SLAMF8: variants seen among roughly 807,000 people sequenced by gnomAD.
SLAMF8 encodes the protein SLAM family member 8, also known as B lymphocyte activator macrophage expressed.
Under a neutral mutation model 29.0 loss-of-function variants are expected in SLAMF8, and 23 were observed. The ratio of observed to expected loss-of-function variants is 0.79; its 90% CI spans 0.57 to 1.13. SLAMF8 has a LOEUF of 1.13. Among genes scored for constraint, SLAMF8 ranks in the 50% most tolerant of loss-of-function variants. The probability of loss-of-function intolerance (pLI) is 0.00; values close to 1 mark genes in which losing one functional copy is unlikely to be tolerated. For synonymous variants in SLAMF8, 139 were observed against 145.6 expected (o/e 0.96, Z 0.32); for missense variants, 381 against 353.1 (o/e 1.08, Z -0.63).
Position 159,833,131 on chromosome 1 carries a change from G to C in SLAMF8, c.623G>C (p.Ser208Thr). ...TCCTGCATTGTCTCCAACCCTGTCA[G>C]CTGGGACTTGGCCACAGTCACGCCC... ...AYSCIVSNPVSWDLATVTPWD... is the reference protein window; with the variant it reads ...AYSCIVSNPVTWDLATVTPWD... Residue 208 changes from serine (S) to threonine (T), a missense_variant, in exon 3 of 5, where the codon AGC becomes ACC. Ser to Thr is a moderately conservative substitution (Grantham distance 58). Transcript: ENST00000289707. 2 of 1,614,178 alleles carry C rather than the reference G, an allele frequency of 1.2e-6. No homozygotes were observed. Among genetic ancestry groups the C allele is most frequent in the African/African-American group, 1.3e-5 (1 of 75,050 alleles).
rs1000436525 is a variant in SLAMF8 at position 159,835,455 on chromosome 1, C to G, written c.*195C>G. ...AAGCACCAGCACGTTTCACACCTCCCCCTTCCCTCTCCCATCTTCTCATAT... is the reference window on the plus strand; with the variant it reads ...AAGCACCAGCACGTTTCACACCTCCGCCTTCCCTCTCCCATCTTCTCATAT... On this transcript the variant is annotated 3_prime_UTR_variant, in exon 5 of 5. Transcript: ENST00000289707. The G allele has an allele frequency of 7.3e-7, 1 of 1,363,530 alleles. No homozygotes were observed. The highest frequency in any genetic ancestry group is 1.5e-5 in the African/African-American group (1 of 67,578). 84.5% of individuals were successfully genotyped at this position (1,363,530 alleles called of 1,614,324 possible). A position where few individuals can be genotyped will look rare whatever the true frequency, so the allele number is the denominator to read the frequency against.
intron 1 of SLAMF8, among the ~76,000 whole-genome samples, chr1:159,828,124 A>G (rs1557886562): frequency 6.6e-6 from 1 of 152,162 alleles, no homozygotes; most frequent in Admixed American, 6.5e-5. Context: ...ATGAGCCACC[A>G]CACCCAGCCC....
rs1235517960 is a variant in SLAMF8, at chr1:159,836,552, C to T, written c.*1292C>T. ...GGCCTCAATCCAGTCTTGATAACAG[C>T]GAGGAAAGAGGTATTGAAGAAACAG... is the stretch of plus-strand genomic sequence containing the variant. On this transcript the variant is annotated 3_prime_UTR_variant, in exon 5 of 5. Transcript: ENST00000289707. 6 of 985,280 alleles carry T rather than the reference C, an allele frequency of 6.1e-6. No individual in the cohort carries two copies. The highest frequency in any genetic ancestry group is 4.7e-5 in the South Asian group (1 of 21,288). 61.0% of individuals were successfully genotyped at this position (985,280 alleles called of 1,614,324 possible).
chr1:159,828,506 C>A (rs891686769), intron 1 of SLAMF8, among the ~76,000 whole-genome samples: 1 of 152,150 alleles, frequency 6.6e-6, no homozygotes, highest in African/African-American at 2.4e-5. Context: ...TTCCCTACAC[C>A]CTGTGCCAGC....
At chr1:159,827,887 T>A (rs746680824) in intron 1 of SLAMF8, among the ~76,000 whole-genome samples, 7 of 151,978 alleles carry the variant, frequency 4.6e-5, no homozygotes, top group Non-Finnish European at 7.4e-5. Flanking sequence ...CAGGCTGGAA[T>A]GCAATGGTGC....
Position 159,836,820 on chromosome 1 carries a change from A to G in SLAMF8, c.*1560A>G, listed in dbSNP as rs2101807065. ...GGTAACCTGGCTTTATCAAATTCTC[A>G]TCCCTTTCCCACACCCACTTCTCTC... On this transcript the variant is annotated 3_prime_UTR_variant, in exon 5 of 5. Transcript: ENST00000289707. 1 of 985,446 alleles carries G rather than the reference A, an allele frequency of 1.0e-6. No homozygotes were observed. The highest frequency in any genetic ancestry group is 4.7e-5 in the South Asian group (1 of 21,282). 61.0% of individuals were successfully genotyped at this position (985,446 alleles called of 1,614,324 possible). A position where few individuals can be genotyped will look rare whatever the true frequency, so the allele number is the denominator to read the frequency against.
chr1:159,835,611 T>C lies in SLAMF8; in HGVS notation c.*351T>C. ...CCCTCCCCCACCACTATTCATAAAG[T>C]ATTAACCAACTGGCACCAAGGAATT... On this transcript the variant is annotated 3_prime_UTR_variant, in exon 5 of 5. Transcript: ENST00000289707. 9.7e-7 allele frequency: 1 copy of C among 1,033,956 alleles called. No individual in the cohort carries two copies. The highest frequency in any genetic ancestry group is 1.2e-6 in the Non-Finnish European group (1 of 860,904). The allele number at this position is 1,033,956 out of a possible 1,614,324, so 64.0% of individuals were successfully genotyped here.
At chr1:159,834,746 A>G in intron 4 of SLAMF8, 1 of 162,286 alleles carries the variant, frequency 6.2e-6, no homozygotes, top group South Asian at 1.7e-4. Context: ...AGAACTATAC[A>G]CTATGTGGCC....
At position 159,830,174 on chromosome 1, in the gene SLAMF8, C is replaced by G; in HGVS notation, c.349C>G (p.Leu117Val). The change falls in exon 2 of 5, where the codon CTC (leucine) becomes GTC (valine). Residue 117 changes from leucine (L) to valine (V), a missense_variant. Physicochemically the swap from Leu to Val is conservative, Grantham distance 32. Transcript: ENST00000289707. ...DTRGQPWTQT[L>V]QLKVYDAVPR... ...AAGGGGCCAGCCCTGGACCCAGACC[C>G]TCCAGCTCAAGGTGTACGGTGAGTG... The G allele has an allele frequency of 6.2e-7, 1 of 1,605,686 alleles. No individual in the cohort carries two copies. The highest frequency in any genetic ancestry group is 8.5e-7 in the Non-Finnish European group (1 of 1,174,332).
chr1:159,827,504 A>G (rs1663702296), intron 1 of SLAMF8, among the ~76,000 whole-genome samples: 1 of 152,108 alleles, frequency 6.6e-6, no homozygotes, highest in East Asian at 1.9e-4. Context: ...GGGATGGCTG[A>G]TACACGGGGT....
At chr1:159,833,507 T>G (rs1647657983) in intron 4 of SLAMF8, 138 bp downstream of exon 4, 4 of 1,238,658 alleles carry the variant, frequency 3.2e-6, no homozygotes, top group Non-Finnish European at 4.5e-6. Context: ...TGGCCTTCTC[T>G]AGCTCATATC....
At chr1:159,832,772 C>CCT in intron 2 of SLAMF8, 104 bp from the exon 3 acceptor site, 6 of 1,294,940 alleles carry the variant, frequency 4.6e-6, no homozygotes, top group Non-Finnish European at 6.5e-6. Context: ...ACAAGAGAGG[C>CCT]CTAGCCAGAG....
Position 159,835,621 on chromosome 1 carries a change from C to G in SLAMF8, c.*361C>G, listed in dbSNP as rs911524479. On this transcript the variant is annotated 3_prime_UTR_variant, in exon 5 of 5. Transcript: ENST00000289707. ...CCACTATTCATAAAGTATTAACCAA[C>G]TGGCACCAAGGAATTGCCTCCAGCC... 5.9e-6 allele frequency: 6 copies of G among 1,021,246 alleles called. No homozygotes were observed. Among genetic ancestry groups the G allele is most frequent in the Non-Finnish European group, 5.9e-6 (5 of 852,860 alleles). 63.3% of individuals were successfully genotyped at this position (1,021,246 alleles called of 1,614,324 possible).
At position 159,833,021 on chromosome 1, in the gene SLAMF8, CT is replaced by C; in HGVS notation, c.516del (p.Phe172LeufsTer15). On this transcript the variant is annotated frameshift_variant, in exon 3 of 5. Coordinates refer to ENST00000289707, the MANE Select transcript of SLAMF8 (RefSeq NM_020125.3). LOFTEE classifies it high-confidence loss of function. ...YSWRRETTMD[F>X]GMEPHSLFTD... ...GCTGGCGACGGGAGACAACCATGGA[CT>C]TTGGTATGGAACCACACAGCCTCTT... 6.2e-7 allele frequency: 1 copy of C among 1,614,236 alleles called. No individual in the cohort carries two copies. Among genetic ancestry groups the C allele is most frequent in the Non-Finnish European group, 8.5e-7 (1 of 1,180,048 alleles).
intron 4 of SLAMF8, chr1:159,834,533 T>C (rs1439238674): frequency 6.6e-6 from 1 of 152,258 alleles, no homozygotes; most frequent in Non-Finnish European, 1.5e-5. Flanking sequence ...AATTCACCTA[T>C]TTAAAGTATA....
In SLAMF8 at chr1:159,829,979, T is replaced by G. The variant is rs756963310; in HGVS notation, c.154T>G (p.Ser52Ala). The G allele has an allele frequency of 5.0e-6, 8 of 1,614,254 alleles. 1 individual carries two copies. The South Asian group carries it at 8.8e-5, about 18-fold the overall frequency. ...GFQVREAIWRSLWPSEELLAT... is the reference protein window; with the variant it reads ...GFQVREAIWRALWPSEELLAT... ...CCAAGTCCGTGAGGCTATCTGGCGA[T>G]CTCTCTGGCCTTCAGAAGAGCTCCT... The change falls in exon 2 of 5, where the codon TCT (serine) becomes GCT (alanine). Residue 52 changes from serine (S) to alanine (A), a missense_variant. Transcript: ENST00000289707.
rs1237307683 is a variant in SLAMF8 at position 159,835,582 on chromosome 1, C to G, written c.*322C>G. 9.2e-7 allele frequency: 1 copy of G among 1,088,010 alleles called. No homozygotes were observed. The highest frequency in any genetic ancestry group is 1.6e-5 in the African/African-American group (1 of 60,684). 67.4% of individuals were successfully genotyped at this position (1,088,010 alleles called of 1,614,324 possible). A position where few individuals can be genotyped will look rare whatever the true frequency, so the allele number is the denominator to read the frequency against. On this transcript the variant is annotated 3_prime_UTR_variant, in exon 5 of 5. Coordinates refer to ENST00000289707, the MANE Select transcript of SLAMF8 (RefSeq NM_020125.3). ...CCATGGGGACATTAATAGTCCAAGG[C>G]ATTCCCTCCCCCACCACTATTCATA...
chr1:159,829,775 GC>G, intron 1 of SLAMF8, 90 bp from the exon 2 acceptor site: 1 of 1,422,406 alleles, frequency 7.0e-7, no homozygotes, highest in South Asian at 1.4e-5. Flanking sequence ...CAGTGGAGGG[GC>G]CCCAATTCAC....
intron 4 of SLAMF8, chr1:159,834,343 G>A (rs1647737235): frequency 6.6e-6 from 1 of 152,292 alleles, no homozygotes; most frequent in Admixed American, 6.5e-5. Flanking sequence ...AGAAGGGCAA[G>A]AGGGAACAGC....
Sources: gnomAD v4.1 joint callset for allele counts (sites outside exome capture counted in the v4.1 genomes callset) on GRCh38, gnomAD v4.1.1 for gene constraint, MANE v1.5 for transcripts, NCBI Gene and HGNC (gene_info 2026-07-23, HGNC 2026-07-21) for gene names.